ENTREP1: variants seen among roughly 807,000 people sequenced by gnomAD.
ENTREP1 encodes the protein Friedreich ataxia region gene X123.
the ENTREP1 span, among the ~76,000 whole-genome samples, chr9:69,358,949 G>T: frequency 7.6e-6 from 1 of 130,832 alleles, no homozygotes. Context: ...TGTCACCCAG[G>T]CTGGAGTGCA....
At chr9:69,391,498 G>T in the ENTREP1 span, 16 of 901,352 alleles carry the variant, frequency 1.8e-5, no homozygotes, top group African/African-American at 6.8e-5. Flanking sequence ...CTTTTTCAAA[G>T]CAATTACACA....
chr9:69,326,582 C>G, the ENTREP1 span, among the ~76,000 whole-genome samples: 1 of 152,178 alleles, frequency 6.6e-6, no homozygotes, highest in African/African-American at 2.4e-5. Flanking sequence ...GCCACTCCCC[C>G]CTGCCTCCTA....
chr9:69,359,989 T>TG, the ENTREP1 span, among the ~76,000 whole-genome samples: 1 of 151,914 alleles, frequency 6.6e-6, no homozygotes, highest in African/African-American at 2.4e-5. Flanking sequence ...TTTTTTTGGT[T>TG]GTTCCTTTCA....
At chr9:69,391,673 C>T in the ENTREP1 span, 4 of 1,614,162 alleles carry the variant, frequency 2.5e-6, no homozygotes, top group Middle Eastern at 4.9e-4. Context: ...TGGCCTGCTG[C>T]ACCTCCAGAG....
At chr9:69,374,021 C>G in the ENTREP1 span, among the ~76,000 whole-genome samples, 1 of 152,142 alleles carries the variant, frequency 6.6e-6, no homozygotes, top group Non-Finnish European at 1.5e-5. Context: ...CAGGCAGTCT[C>G]TACTCTCTCA....
At chr9:69,362,020 T>C in the ENTREP1 span, among the ~76,000 whole-genome samples, 2 of 152,192 alleles carry the variant, frequency 1.3e-5, no homozygotes, top group African/African-American at 4.8e-5. Context: ...TAAATACTTA[T>C]GCTCAATTCA....
chr9:69,349,852 C>CT, the ENTREP1 span, among the ~76,000 whole-genome samples: 1 of 152,146 alleles, frequency 6.6e-6, no homozygotes, highest in East Asian at 1.9e-4. Context: ...TCTCATGTAA[C>CT]TTATTGAATA....
chr9:69,359,387 C>A, the ENTREP1 span, among the ~76,000 whole-genome samples: 3 of 152,138 alleles, frequency 2.0e-5, no homozygotes, highest in Admixed American at 2.0e-4. Context: ...AATTGTAATT[C>A]CCATAATCCC....
the ENTREP1 span, among the ~76,000 whole-genome samples, chr9:69,345,463 A>G: frequency 7.9e-5 from 12 of 152,216 alleles, no homozygotes; most frequent in African/African-American, 2.9e-4. Flanking sequence ...TTATAGTTAT[A>G]TATCTAAATA....
chr9:69,347,569 C>T, the ENTREP1 span, among the ~76,000 whole-genome samples: 1 of 152,216 alleles, frequency 6.6e-6, no homozygotes, highest in South Asian at 2.1e-4. Flanking sequence ...AGCTTACATT[C>T]AAATGAAGTT....
chr9:69,378,785 G>A, the ENTREP1 span, among the ~76,000 whole-genome samples: 2 of 151,908 alleles, frequency 1.3e-5, no homozygotes, highest in Non-Finnish European at 2.9e-5. Flanking sequence ...GACTTCATTC[G>A]TTTATTCATT....
the ENTREP1 span, among the ~76,000 whole-genome samples, chr9:69,340,735 A>ATG: frequency 2.4e-4 from 26 of 107,210 alleles, no homozygotes; most frequent in African/African-American, 7.9e-4. Context: ...GTGTGTGTGT[A>ATG]TGTGTGTGTG....
At chr9:69,336,225 G>T in the ENTREP1 span, 1 of 1,571,766 alleles carries the variant, frequency 6.4e-7, no homozygotes, top group South Asian at 1.1e-5. Flanking sequence ...GATACTCTCT[G>T]GAATCATAGG....
chr9:69,345,987 CT>C, the ENTREP1 span, among the ~76,000 whole-genome samples: 92 of 146,028 alleles, frequency 6.3e-4, no homozygotes, highest in Admixed American at 6.9e-4. Context: ...ACAAATAACA[CT>C]TTTTTTTTTT....
chr9:69,361,720 T>C, the ENTREP1 span, among the ~76,000 whole-genome samples: 1 of 152,184 alleles, frequency 6.6e-6, no homozygotes, highest in Non-Finnish European at 1.5e-5. Context: ...TAATAGACTC[T>C]TGTCAGTATT....
the ENTREP1 span, chr9:69,388,499 A>G: frequency 1.4e-6 from 2 of 1,417,872 alleles, no homozygotes; most frequent in Non-Finnish European, 1.9e-6. Context: ...TCATTTTCAT[A>G]GCAGCTAAAG....
At chr9:69,353,423 AATAG>A in the ENTREP1 span, among the ~76,000 whole-genome samples, 1 of 152,332 alleles carries the variant, frequency 6.6e-6, no homozygotes, top group East Asian at 1.9e-4. Context: ...TCTCTACATA[AATAG>A]ATATTCTATA....
chr9:69,327,154 T>G, the ENTREP1 span, among the ~76,000 whole-genome samples: 1 of 152,236 alleles, frequency 6.6e-6, no homozygotes, highest in Admixed American at 6.5e-5. Flanking sequence ...TGAAATACTT[T>G]CATGTTGAAT....
At chr9:69,377,466 A>G in the ENTREP1 span, 1 of 1,613,638 alleles carries the variant, frequency 6.2e-7, no homozygotes, top group South Asian at 1.1e-5. Context: ...CGCAACCAGG[A>G]GATCCTGCAT....
Sources: allele counts gnomAD v4.1 joint callset (sites outside exome capture counted in the v4.1 genomes callset), GRCh38; gene constraint gnomAD v4.1.1; transcripts MANE v1.5; gene names NCBI Gene and HGNC (gene_info 2026-07-23, HGNC 2026-07-21).